The following EPHA6 variants were observed in gnomAD, a reference collection of about 807,000 sequenced individuals.
EPHA6 encodes ephrin type-A receptor 6.
In EPHA6, 50 loss-of-function variants were observed where a neutral mutation model predicts 112.0. The ratio of observed to expected loss-of-function variants is 0.45; its 90% CI spans 0.36 to 0.56. The LOEUF is 0.56. Ranked by LOEUF, EPHA6 falls within the 20% of genes least tolerant of loss-of-function variation. The pLI, the probability that EPHA6 is intolerant of heterozygous loss-of-function variation, is 0.00. For missense variants in EPHA6, 1,280 were observed against 1,417.4 expected, an observed-to-expected ratio of 0.90 and a Z score of 1.56; for synonymous variants, 529 against 490.7, an observed-to-expected ratio of 1.08 and a Z score of -1.03.
intron 14 of EPHA6, among the ~76,000 whole-genome samples, chr3:97,715,970 A>G (rs546330535): frequency 6.6e-6 from 1 of 152,324 alleles, no homozygotes; most frequent in Non-Finnish European, 1.5e-5. Flanking sequence ...CTGTAAGAGA[A>G]GTATTAGTAA....
intron 2 of EPHA6, among the ~76,000 whole-genome samples, chr3:96,881,520 C>T (rs2107510668): frequency 6.6e-6 from 1 of 152,292 alleles, no homozygotes; most frequent in East Asian, 1.9e-4. Context: ...GTCCCTCCCA[C>T]AACAGGTGGG....
At chr3:97,253,890 A>G (rs1394168647) in intron 5 of EPHA6, among the ~76,000 whole-genome samples, 1 of 152,084 alleles carries the variant, frequency 6.6e-6, no homozygotes, top group Non-Finnish European at 1.5e-5. Flanking sequence ...TTTAGTAGCT[A>G]TGCCCTGTAT....
intron 1 of EPHA6, among the ~76,000 whole-genome samples, chr3:96,832,282 C>A (rs1344370469): frequency 6.6e-6 from 1 of 151,894 alleles, no homozygotes; most frequent in African/African-American, 2.4e-5. Flanking sequence ...AACAGTTCAG[C>A]CTAGGATGGT....
intron 2 of EPHA6, 81 bp downstream of exon 2, chr3:96,866,970 G>A (rs574985724): frequency 1.5e-5 from 11 of 750,132 alleles, no homozygotes; most frequent in Admixed American, 3.5e-5. Context: ...GTGAATTTTG[G>A]GCCCTACTTG....
At chr3:97,178,941 A>G (rs779538418) in intron 3 of EPHA6, among the ~76,000 whole-genome samples, 7 of 151,962 alleles carry the variant, frequency 4.6e-5, no homozygotes, top group Non-Finnish European at 8.8e-5. Context: ...TTCTACCCCT[A>G]TCTCTTTTTT....
chr3:97,638,440 TTAC>T (rs1461569284), intron 14 of EPHA6, among the ~76,000 whole-genome samples: 1 of 152,170 alleles, frequency 6.6e-6, no homozygotes, highest in East Asian at 1.9e-4. Context: ...GTAGAATTAA[TTAC>T]TACCTCAGTA....
At chr3:97,664,745 C>T (rs1306872969) in intron 14 of EPHA6, among the ~76,000 whole-genome samples, 2 of 152,000 alleles carry the variant, frequency 1.3e-5, no homozygotes, top group South Asian at 2.1e-4. Context: ...AATAAAATAC[C>T]TAGGAATCCA....
chr3:97,220,396 T>G lies in EPHA6; in HGVS notation c.1115-5868T>G, dbSNP rs139787152. Among the ~76,000 whole-genome samples the G allele has an allele frequency of 6.0e-4, 91 of 152,340 alleles. 1 individual carries two copies. The East Asian group carries it at 0.016, about 26-fold the overall frequency. On this transcript the variant is annotated intron_variant, in intron 3 of 17. Transcript: ENST00000389672. ...TACCCCACTCTCTTTGGTACCAATT[T>G]ACTGTATTATTCAATTTTCATACTA...
At chr3:97,221,928 G>T (rs2078214871) in intron 3 of EPHA6, among the ~76,000 whole-genome samples, 1 of 151,762 alleles carries the variant, frequency 6.6e-6, no homozygotes, top group Non-Finnish European at 1.5e-5. Context: ...TAGTCAGGAG[G>T]CTGAGGCAGG....
At chr3:96,935,460 A>G (rs1415197300) in intron 2 of EPHA6, among the ~76,000 whole-genome samples, 2 of 150,832 alleles carry the variant, frequency 1.3e-5, no homozygotes, top group Non-Finnish European at 3.0e-5. Context: ...TAAAACTATT[A>G]TAGGTATTCT....
intron 5 of EPHA6, among the ~76,000 whole-genome samples, chr3:97,296,912 A>T (rs1436106143): frequency 6.6e-6 from 1 of 152,188 alleles, no homozygotes; most frequent in Admixed American, 6.5e-5. Context: ...ACACAGGGGA[A>T]TATCACTGGG....
intron 3 of EPHA6, among the ~76,000 whole-genome samples, chr3:97,046,544 C>T (rs1227904351): frequency 6.6e-6 from 1 of 152,084 alleles, no homozygotes; most frequent in African/African-American, 2.4e-5. Flanking sequence ...ACTCATTCTA[C>T]AGATGGAAAA....
chr3:97,546,007 G>A lies in EPHA6; in HGVS notation c.2386+13464G>A, dbSNP rs182274311. Among the ~76,000 whole-genome samples, 264 of 152,278 alleles carry A rather than the reference G, an allele frequency of 1.7e-3. 1 individual carries two copies. The highest frequency in any genetic ancestry group is 6.0e-3 in the African/African-American group (251 of 41,538). ...TGAATACAGCACACTGATGGGTCTTGACTCTTTATCCAATTTGCCAGTCTG... is the reference window on the plus strand; with the variant it reads ...TGAATACAGCACACTGATGGGTCTTAACTCTTTATCCAATTTGCCAGTCTG... On this transcript the variant is annotated intron_variant, in intron 11 of 17. Transcript: ENST00000389672.
chr3:97,703,200 G>A (rs1456973651), intron 14 of EPHA6, among the ~76,000 whole-genome samples: 2 of 152,132 alleles, frequency 1.3e-5, no homozygotes, highest in African/African-American at 4.8e-5. Context: ...ATGCAAAACT[G>A]GGCCAAACGG....
At chr3:97,497,440 C>T (rs1413162554) in intron 10 of EPHA6, among the ~76,000 whole-genome samples, 1 of 152,158 alleles carries the variant, frequency 6.6e-6, no homozygotes, top group Non-Finnish European at 1.5e-5. Flanking sequence ...AGAGACCTTT[C>T]AGGTCCTTCA....
intron 13 of EPHA6, among the ~76,000 whole-genome samples, chr3:97,626,808 C>T (rs189454300): frequency 3.3e-5 from 5 of 151,884 alleles, no homozygotes; most frequent in Admixed American, 2.6e-4. Context: ...GCAAATGCTA[C>T]AAATCAGGGC....
intron 2 of EPHA6, among the ~76,000 whole-genome samples, chr3:96,950,118 G>A (rs1195407763): frequency 6.6e-6 from 1 of 152,004 alleles, no homozygotes; most frequent in Non-Finnish European, 1.5e-5. Flanking sequence ...GACATTAAAG[G>A]ATCTTGGAAA....
At chr3:96,850,071 GT>G (rs764359612) in intron 1 of EPHA6, among the ~76,000 whole-genome samples, 5 of 152,094 alleles carry the variant, frequency 3.3e-5, no homozygotes, top group Admixed American at 2.0e-4. Context: ...ATAGTTAAAA[GT>G]TTTTAAAAAC....
At chr3:97,207,796 G>A (rs2108508559) in intron 3 of EPHA6, among the ~76,000 whole-genome samples, 1 of 152,232 alleles carries the variant, frequency 6.6e-6, no homozygotes, top group South Asian at 2.1e-4. Flanking sequence ...AGAAACACTT[G>A]TTATAGGTTC....
Sources: gnomAD v4.1 joint callset for allele counts (sites outside exome capture counted in the v4.1 genomes callset) on GRCh38, gnomAD v4.1.1 for gene constraint, MANE v1.5 for transcripts, NCBI Gene and HGNC (gene_info 2026-07-23, HGNC 2026-07-21) for gene names.